Variants in IFT52 observed in about 807,000 individuals in gnomAD.
IFT52 encodes intraflagellar transport protein 52 homolog.
IFT52 carries 44 observed loss-of-function variants against 54.4 expected under a neutral mutation model. The ratio of observed to expected loss-of-function variants is 0.81; its 90% CI spans 0.63 to 1.04. The LOEUF (loss-of-function observed/expected upper bound fraction) is 1.04. Ranked by LOEUF, IFT52 falls within the 50% of genes least tolerant of loss-of-function variation. The probability of loss-of-function intolerance (pLI) is 0.00; values close to 1 mark genes in which losing one functional copy is unlikely to be tolerated. For missense variants in IFT52, 452 were observed against 523.6 expected (o/e 0.86, Z 1.33); for synonymous variants, 181 against 185.3 (o/e 0.98, Z 0.19).
At chr20:43,625,150 TAGA>T (rs1413808301) in intron 10 of IFT52, among the ~76,000 whole-genome samples, 4 of 152,112 alleles carry the variant, frequency 2.6e-5, no homozygotes, top group Admixed American at 6.6e-5. Flanking sequence ...AAGAATATGT[TAGA>T]AGATGATTAC....
intron 6 of IFT52, among the ~76,000 whole-genome samples, chr20:43,611,537 G>A (rs1983453116): frequency 7.1e-6 from 1 of 140,892 alleles, no homozygotes; most frequent in Non-Finnish European, 1.5e-5. Flanking sequence ...TCCACCTCCT[G>A]GGTTCAAGCA....
chr20:43,619,138 T>A (rs1984080158), intron 8 of IFT52, 112 bp downstream of exon 8: 1 of 727,116 alleles, frequency 1.4e-6, no homozygotes, highest in Non-Finnish European at 2.3e-6. Context: ...CAGAACCCAT[T>A]ATATGCCAGG....
chr20:43,641,080 T>C (rs1010068981), intron 12 of IFT52, among the ~76,000 whole-genome samples: 1 of 150,162 alleles, frequency 6.7e-6, no homozygotes, highest in African/African-American at 2.5e-5. Flanking sequence ...CAGTATAATG[T>C]GAGAAGGGCA....
intron 13 of IFT52, among the ~76,000 whole-genome samples, chr20:43,646,406 G>A (rs916353812): frequency 5.9e-5 from 9 of 152,104 alleles, no homozygotes; most frequent in Non-Finnish European, 1.5e-5. Context: ...TACTCTCCAC[G>A]TCTAGCATGG....
rs1434590107 is a variant in IFT52, at chr20:43,595,394, C to A, written c.119+577C>A. 3.4e-5 allele frequency among the ~76,000 whole-genome samples: 5 copies of A among 145,456 alleles called. No individual in the cohort carries two copies. The East Asian group carries it at 6.1e-4, about 18-fold the overall frequency. Reference sequence around the variant, plus strand: ...CGAAACCCTGTCTCTACTAAAAATACAAAAATCAGCTGGGCATGATCGTGC... The same window carrying A: ...CGAAACCCTGTCTCTACTAAAAATAAAAAAATCAGCTGGGCATGATCGTGC... On this transcript the variant is annotated intron_variant, in intron 2 of 13. Transcript: ENST00000373030.
chr20:43,598,540 C>T (rs1982178459), intron 3 of IFT52, among the ~76,000 whole-genome samples: 1 of 152,032 alleles, frequency 6.6e-6, no homozygotes, highest in Non-Finnish European at 1.5e-5. Context: ...ACTAAAAATA[C>T]AAAAATTAGC....
At chr20:43,613,763 G>A (rs1983636385) in intron 6 of IFT52, 87 bp from the exon 7 acceptor site, 1 of 1,313,914 alleles carries the variant, frequency 7.6e-7, no homozygotes, top group Non-Finnish European at 1.1e-6. Context: ...TCAAAAAAGA[G>A]TGTTACTCAA....
chr20:43,610,738 C>CA (rs553646349), intron 6 of IFT52, among the ~76,000 whole-genome samples: 1,267 of 116,114 alleles, frequency 0.011, 19 homozygotes, highest in Middle Eastern at 0.069. Context: ...GACTCCGTCT[C>CA]AAAAAAAAAA....
chr20:43,641,153 G>T (rs1385804850), intron 12 of IFT52, among the ~76,000 whole-genome samples: 1 of 151,880 alleles, frequency 6.6e-6, no homozygotes, highest in Non-Finnish European at 1.5e-5. Context: ...TATGTTGTTG[G>T]TGGAATTATG....
chr20:43,596,650 C>A, intron 3 of IFT52, 128 bp downstream of exon 3: 1 of 628,084 alleles, frequency 1.6e-6, no homozygotes. Context: ...TCTCTCTTTT[C>A]ATCATGGAGT....
At chr20:43,611,905 C>G (rs1160663569) in intron 6 of IFT52, among the ~76,000 whole-genome samples, 1 of 151,764 alleles carries the variant, frequency 6.6e-6, no homozygotes, top group Admixed American at 6.6e-5. Context: ...TGGTGCACAC[C>G]TGTAATCCCA....
chr20:43,607,373 C>T (rs1201999260), intron 6 of IFT52, among the ~76,000 whole-genome samples: 12 of 151,336 alleles, frequency 7.9e-5, no homozygotes, highest in African/African-American at 2.9e-4. Flanking sequence ...ACTTCCCAGA[C>T]AGGGTGGCTG....
chr20:43,604,878 C>A, intron 5 of IFT52, 124 bp from the exon 6 acceptor site: 1 of 891,334 alleles, frequency 1.1e-6, no homozygotes, highest in South Asian at 1.5e-5. Flanking sequence ...CAGTTCACTG[C>A]AGCCTTGACC....
In IFT52 at chr20:43,620,959, A is replaced by G. The variant is rs113765987; in HGVS notation, c.768+34A>G. The stretch of plus-strand genomic sequence containing the variant: ...CGAATTATTAGAAACTTTTAAATGA[A>G]AAATGAGTCCAGCTTCTCAGTACCA... On this transcript the variant is annotated intron_variant, in intron 9 of 13. Coordinates refer to ENST00000373030, the MANE Select transcript of IFT52 (RefSeq NM_016004.5). 4.9e-4 allele frequency: 730 copies of G among 1,491,610 alleles called. 4 individuals carry two copies. In the African/African-American group the frequency reaches 9.2e-3, roughly 19 times the overall value. 92.4% of individuals were successfully genotyped at this position (1,491,610 alleles called of 1,614,324 possible).
At chr20:43,631,226 C>T (rs994304156) in intron 10 of IFT52, among the ~76,000 whole-genome samples, 31 of 152,242 alleles carry the variant, frequency 2.0e-4, no homozygotes, top group East Asian at 3.9e-4. Context: ...AGAGATTATC[C>T]GACTTTCCAC....
intron 3 of IFT52, among the ~76,000 whole-genome samples, chr20:43,599,860 A>G (rs868556527): frequency 3.3e-5 from 5 of 152,176 alleles, no homozygotes; most frequent in Middle Eastern, 3.2e-3. Context: ...CGTGGCTGAG[A>G]CGAGTATTTT....
In IFT52 at chr20:43,645,735, G is replaced by A. The variant is rs1165875045; in HGVS notation, c.1267-1201G>A. ...AAAAATTAGCCAGGTGTGGTGGTGT[G>A]CACCTGTAGTCCCAGCTACTTGGGA... On this transcript the variant is annotated intron_variant, in intron 13 of 13. Transcript: ENST00000373030. Among the ~76,000 whole-genome samples the A allele has an allele frequency of 5.7e-5, 3 of 52,992 alleles. 1 individual carries two copies. Among genetic ancestry groups the A allele is most frequent in the Non-Finnish European group, 8.8e-5 (2 of 22,798 alleles). The allele number at this position is 52,992 out of a possible 152,430, so 34.8% of individuals were successfully genotyped here. A position where few individuals can be genotyped will look rare whatever the true frequency, so the allele number is the denominator to read the frequency against.
chr20:43,623,903 A>G lies in IFT52; in HGVS notation c.781A>G (p.Met261Val), dbSNP rs748766792. Residue 261 changes from methionine (M) to valine (V), a missense_variant, in exon 10 of 14, where the codon ATG becomes GTG. Physicochemically the swap from Met to Val is conservative, Grantham distance 21 (BLOSUM62 1). Coordinates refer to ENST00000373030, the MANE Select transcript of IFT52 (RefSeq NM_016004.5). ...DAEDPEISDY[M>V]MLPYTATLSK... is the part of the protein sequence containing the mutation. ...TTGTGGCTTTCAGATTTCTGACTAC[A>G]TGATGCTGCCCTACACAGCCACCCT... The G allele has an allele frequency of 6.2e-6, 10 of 1,614,044 alleles. No homozygotes were observed. The highest frequency in any genetic ancestry group is 1.1e-5 in the South Asian group (1 of 91,060).
At chr20:43,608,318 C>T (rs1983140234) in intron 6 of IFT52, among the ~76,000 whole-genome samples, 1 of 152,178 alleles carries the variant, frequency 6.6e-6, no homozygotes, top group South Asian at 2.1e-4. Flanking sequence ...CTTACAGTCC[C>T]TATGAGCACA....
Sources: allele counts gnomAD v4.1 joint callset (sites outside exome capture counted in the v4.1 genomes callset), GRCh38; gene constraint gnomAD v4.1.1; transcripts MANE v1.5; gene names NCBI Gene and HGNC (gene_info 2026-07-23, HGNC 2026-07-21).